Variants in PDS5B observed in about 807,000 individuals in gnomAD.
PDS5B encodes sister chromatid cohesion protein PDS5 homolog B.
Under a neutral mutation model 184.1 loss-of-function variants are expected in PDS5B, and 51 were observed. That is an observed-to-expected ratio of 0.28 (90% CI 0.22 to 0.35). PDS5B has a LOEUF of 0.35. Among genes scored for constraint, PDS5B ranks in the 10% least tolerant of loss-of-function variants. The pLI is 1.00. For synonymous variants in PDS5B, 566 were observed against 569.2 expected (o/e 0.99, Z 0.08); for missense variants, 1,180 against 1,723.3 (o/e 0.68, Z 5.58).
chr13:32,685,347 A>C (rs188722607), intron 11 of PDS5B, among the ~76,000 whole-genome samples: 6 of 152,156 alleles, frequency 3.9e-5, no homozygotes, highest in Admixed American at 2.6e-4. Context: ...GGGAAAGGAT[A>C]TTTGCATTGT....
chr13:32,678,854 C>A lies in PDS5B; in HGVS notation c.982C>A (p.Pro328Thr). 6.2e-7 allele frequency: 1 copy of A among 1,601,946 alleles called. No homozygotes were observed. Among genetic ancestry groups the A allele is most frequent in the Non-Finnish European group, 8.6e-7 (1 of 1,169,148 alleles). ...YLGRFNDIHV[P>T]IRLECVKFAS... ...TATCAGGTTTAATGATATCCATGTA[C>A]CAATCCGCCTGGAATGTGTGAAATT... Residue 328 changes from proline to threonine, a missense_variant, in exon 10 of 35, where the codon CCA (proline) becomes ACA (threonine). Pro to Thr is a conservative substitution (Grantham distance 38). Around this residue, in one of 11 missense-constraint regions of PDS5B, gnomAD observed 475 missense variants for 691.5 expected, o/e 0.69. Transcript: ENST00000315596.
chr13:32,761,079 A>G (rs1044651860), intron 30 of PDS5B, among the ~76,000 whole-genome samples: 1 of 152,240 alleles, frequency 6.6e-6, no homozygotes, highest in Non-Finnish European at 1.5e-5. Flanking sequence ...AAGAGTTTCC[A>G]CAATACATTA....
At chr13:32,715,664 C>T (rs905925823) in intron 19 of PDS5B, among the ~76,000 whole-genome samples, 10 of 151,374 alleles carry the variant, frequency 6.6e-5, no homozygotes, top group African/African-American at 2.2e-4. Context: ...CCTCTCCCCA[C>T]GGTCTCCCTC....
intron 1 of PDS5B, among the ~76,000 whole-genome samples, chr13:32,622,362 T>C (rs1436856216): frequency 6.6e-6 from 1 of 150,868 alleles, no homozygotes; most frequent in African/African-American, 2.4e-5. Context: ...AATGACTTTC[T>C]TTTTTTTTAC....
chr13:32,697,282 T>C (rs1951733676), intron 15 of PDS5B, among the ~76,000 whole-genome samples: 2 of 152,240 alleles, frequency 1.3e-5, no homozygotes, highest in African/African-American at 4.8e-5. Context: ...TGGTATTTCA[T>C]TTAACAGTAA....
At chr13:32,741,698 TC>T (rs1953560477) in intron 22 of PDS5B, among the ~76,000 whole-genome samples, 1 of 105,858 alleles carries the variant, frequency 9.4e-6, no homozygotes, top group African/African-American at 3.6e-5. Flanking sequence ...ACCCTTTCAG[TC>T]TGTGTGTGTG....
chr13:32,755,884 C>T lies in PDS5B; in HGVS notation c.2984C>T (p.Thr995Ile). ...SLLPEYVVPY[T>I]IHLLAHDPDY... ...CTACCAGAGTATGTTGTTCCATATA[C>T]AATTCACCTTTTGGCACATGACCCA... Residue 995 changes from threonine (T) to isoleucine (I), a missense_variant, in exon 26 of 35, where the codon ACA (threonine) becomes ATA (isoleucine). Physicochemically the swap from Thr to Ile is moderately conservative, Grantham distance 89. This residue lies in a region of PDS5B where 57 missense variants were observed against 80.9 expected (regional missense o/e 0.70). Transcript: ENST00000315596. 6.4e-7 allele frequency: 1 copy of T among 1,573,684 alleles called. No homozygotes were observed. Among genetic ancestry groups the T allele is most frequent in the Non-Finnish European group, 8.7e-7 (1 of 1,149,546 alleles).
At chr13:32,700,663 A>G (rs1951839178) in intron 16 of PDS5B, among the ~76,000 whole-genome samples, 3 of 152,062 alleles carry the variant, frequency 2.0e-5, no homozygotes, top group African/African-American at 7.2e-5. Context: ...TGTCAGTTTT[A>G]GTTTACCCTT....
rs1439458067 is a variant in PDS5B, at chr13:32,741,164, A to AG, written c.2475+17dup. 7.7e-7 allele frequency: 1 copy of AG among 1,306,062 alleles called. No homozygotes were observed. The highest frequency in any genetic ancestry group is 1.3e-5 in the South Asian group (1 of 77,858). The allele number at this position is 1,306,062 out of a possible 1,614,324, so 80.9% of individuals were successfully genotyped here. A position where few individuals can be genotyped will look rare whatever the true frequency, so the allele number is the denominator to read the frequency against. Reference sequence around the variant, plus strand: ...AATGGTCAAAGTGAGTAATGTGCATAGATCTATTGATTTTAATATAATCAC... The same window carrying AG: ...AATGGTCAAAGTGAGTAATGTGCATAGGATCTATTGATTTTAATATAATCAC... On this transcript the variant is annotated intron_variant, in intron 22 of 34. Coordinates refer to ENST00000315596, the MANE Select transcript of PDS5B (RefSeq NM_015032.4).
At chr13:32,679,362 G>C (rs1044335423) in intron 10 of PDS5B, among the ~76,000 whole-genome samples, 1 of 152,118 alleles carries the variant, frequency 6.6e-6, no homozygotes, top group Non-Finnish European at 1.5e-5. Context: ...ACCTATGTAG[G>C]AACTATGCTG....
intron 19 of PDS5B, among the ~76,000 whole-genome samples, chr13:32,719,461 G>A (rs1020947176): frequency 6.6e-6 from 1 of 152,102 alleles, no homozygotes; most frequent in Non-Finnish European, 1.5e-5. Context: ...GGGATTACAG[G>A]CATGAGCCAC....
At chr13:32,608,150 G>T (rs2058088956) in intron 1 of PDS5B, among the ~76,000 whole-genome samples, 1 of 152,154 alleles carries the variant, frequency 6.6e-6, no homozygotes. Flanking sequence ...CTAGACTGGA[G>T]CTGTTCCTAT....
intron 1 of PDS5B, among the ~76,000 whole-genome samples, chr13:32,635,179 T>G (rs1219148844): frequency 3.4e-4 from 2 of 5,832 alleles, no homozygotes. Context: ...CGTTTTTTTT[T>G]TTTTTTTTTT....
At position 32,651,880 on chromosome 13, in the gene PDS5B, A is replaced by G; in HGVS notation, c.185A>G (p.His62Arg). ...GAGCTTTATTTAAACCTAGCTTTACATCTTGCTTCAGATTTTTTTCTCAAG... is the reference window on the plus strand; with the variant it reads ...GAGCTTTATTTAAACCTAGCTTTACGTCTTGCTTCAGATTTTTTTCTCAAG... ...EKELYLNLAL[H>R]LASDFFLKHP... Residue 62 changes from histidine to arginine, a missense_variant, in exon 3 of 35, where the codon CAT becomes CGT. By Grantham distance (29) the His-to-Arg change is conservative. Around this residue, in one of 11 missense-constraint regions of PDS5B, gnomAD observed 22 missense variants for 79.3 expected, o/e 0.28. Coordinates refer to ENST00000315596, the MANE Select transcript of PDS5B (RefSeq NM_015032.4). 1 of 1,613,348 alleles carries G rather than the reference A, an allele frequency of 6.2e-7. No individual in the cohort carries two copies. The highest frequency in any genetic ancestry group is 8.5e-7 in the Non-Finnish European group (1 of 1,179,350).
At chr13:32,623,420 G>C (rs1177612845) in intron 1 of PDS5B, among the ~76,000 whole-genome samples, 3 of 152,140 alleles carry the variant, frequency 2.0e-5, no homozygotes, top group African/African-American at 4.8e-5. Flanking sequence ...CCTTGTGTTC[G>C]TTATACAAAG....
chr13:32,713,195 G>C (rs183585247), intron 19 of PDS5B, among the ~76,000 whole-genome samples: 1 of 152,188 alleles, frequency 6.6e-6, no homozygotes, highest in African/African-American at 2.4e-5. Flanking sequence ...TACTTAGCCA[G>C]GTGATGAAGC....
At chr13:32,716,259 T>C (rs1449575989) in intron 19 of PDS5B, among the ~76,000 whole-genome samples, 2 of 148,314 alleles carry the variant, frequency 1.3e-5, no homozygotes, top group African/African-American at 5.0e-5. Context: ...AAGTGAGGAG[T>C]GTCTCTGCCT....
Position 32,644,910 on chromosome 13 carries a change from TG to T in PDS5B, c.-19-3843del, listed in dbSNP as rs1566278214. On this transcript the variant is annotated intron_variant, in intron 1 of 34. Transcript: ENST00000315596. ...CTTGCCTTCCCGGGATAAACACTTA[TG>T]AATATATTGCTGCATTTGGTTTCCT... Among the ~76,000 whole-genome samples the T allele has an allele frequency of 2.0e-5, 3 of 152,232 alleles. No individual in the cohort carries two copies. In the South Asian group the frequency reaches 6.2e-4, roughly 32 times the overall value.
At chr13:32,601,223 C>G (rs1408925470) in intron 1 of PDS5B, among the ~76,000 whole-genome samples, 1 of 151,860 alleles carries the variant, frequency 6.6e-6, no homozygotes, top group African/African-American at 2.4e-5. Flanking sequence ...TTTTTTTTCC[C>G]AGGGTTTATA....
Sources: allele counts gnomAD v4.1 joint callset (sites outside exome capture counted in the v4.1 genomes callset), GRCh38; gene constraint gnomAD v4.1.1; regional missense constraint gnomAD v4.1.1; transcripts MANE v1.5; gene names NCBI Gene and HGNC (gene_info 2026-07-23, HGNC 2026-07-21).